Variants in FAM91A1 observed in about 807,000 individuals in gnomAD.
FAM91A1 encodes the protein family with sequence similarity 91 member A1, also known as protein FAM91A1.
A neutral mutation model predicts 113.5 loss-of-function variants in FAM91A1; 41 were observed. That is an observed-to-expected ratio of 0.36 (90% confidence interval 0.28 to 0.47). The LOEUF is 0.47. Ranked by LOEUF, FAM91A1 falls within the 20% of genes least tolerant of loss-of-function variation. The pLI is 1.00. For missense variants in FAM91A1, 696 were observed against 1,001.2 expected (o/e 0.70, Z 4.11); for synonymous variants, 307 against 347.9 (o/e 0.88, Z 1.31).
Position 123,768,492 on chromosome 8 carries a change from A to T in FAM91A1, c.-211A>T, listed in dbSNP as rs762283017. 1 of 488,834 alleles carries T rather than the reference A, an allele frequency of 2.0e-6. No homozygotes were observed. Among genetic ancestry groups the T allele is most frequent in the Non-Finnish European group, 3.6e-6 (1 of 278,398 alleles). 30.3% of individuals were successfully genotyped at this position (488,834 alleles called of 1,614,324 possible). The stretch of plus-strand genomic sequence containing the variant: ...GAAGAAACTTGGAGCTGTTCAGGCG[A>T]TCCAGCCTCCAATCGCTGCTGCTCT... On this transcript the variant is annotated 5_prime_UTR_variant, in exon 1 of 24. Coordinates refer to ENST00000334705, the MANE Select transcript of FAM91A1 (RefSeq NM_144963.4).
intron 8 of FAM91A1, among the ~76,000 whole-genome samples, 174 bp from the exon 9 acceptor site, chr8:123,784,296 C>G (rs1815197325): frequency 6.6e-6 from 1 of 152,150 alleles, no homozygotes; most frequent in African/African-American, 2.4e-5. Context: ...TCAGAGTCTT[C>G]TCTGTGTACG....
intron 2 of FAM91A1, 52 bp downstream of exon 2, chr8:123,774,216 A>AT: frequency 7.3e-7 from 1 of 1,365,868 alleles, no homozygotes; most frequent in Non-Finnish European, 1.0e-6. Context: ...ACTCTTTCAC[A>AT]TTCGTAAATC....
intron 8 of FAM91A1, among the ~76,000 whole-genome samples, chr8:123,783,890 G>C (rs1232982883): frequency 6.6e-6 from 1 of 152,168 alleles, no homozygotes; most frequent in African/African-American, 2.4e-5. Flanking sequence ...GAGGCCCACT[G>C]GGGAGGATAC....
At chr8:123,777,401 G>T in intron 4 of FAM91A1, 79 bp downstream of exon 4, 2 of 1,332,360 alleles carry the variant, frequency 1.5e-6, no homozygotes, top group Non-Finnish European at 1.1e-6. Flanking sequence ...ATATTGTCAT[G>T]TGTGTTTTTA....
At chr8:123,800,829 T>C (rs1196527358) in intron 18 of FAM91A1, among the ~76,000 whole-genome samples, 1 of 152,162 alleles carries the variant, frequency 6.6e-6, no homozygotes, top group Non-Finnish European at 1.5e-5. Context: ...TTTTCAAGGT[T>C]CATCATGTTG....
intron 6 of FAM91A1, among the ~76,000 whole-genome samples, chr8:123,779,032 C>G (rs933175864): frequency 6.6e-6 from 1 of 152,152 alleles, no homozygotes; most frequent in African/African-American, 2.4e-5. Context: ...TGTAAAGTAA[C>G]ATGATGCCAC....
At position 123,808,936 on chromosome 8, in the gene FAM91A1, T is replaced by C; in HGVS notation, c.2181T>C (p.Phe727=). 3.1e-6 allele frequency: 5 copies of C among 1,612,582 alleles called. No homozygotes were observed. The highest frequency in any genetic ancestry group is 4.2e-6 in the Non-Finnish European group (5 of 1,179,276). ...EADWVPLELC[F]GIPLFSSELN... is the part of the protein sequence containing the mutation. ...ATTGGGTTCCTCTCGAGCTGTGCTT[T>C]GGAATTCCACTGTTCAGTTCCGAAT... is the stretch of plus-strand genomic sequence containing the variant. The change falls in exon 22 of 24, where the codon TTT becomes TTC. Residue 727 remains phenylalanine, a synonymous_variant. Coordinates refer to ENST00000334705, the MANE Select transcript of FAM91A1 (RefSeq NM_144963.4).
rs114614728 is a variant in FAM91A1 at position 123,776,113 on chromosome 8, A to G, written c.309+815A>G. Among the ~76,000 whole-genome samples, 976 of 152,374 alleles carry G rather than the reference A, an allele frequency of 6.4e-3. 10 individuals are homozygous for G. The highest frequency in any genetic ancestry group is 0.022 in the African/African-American group (922 of 41,588). ...TAGTCTTGGCTGTTAATCTCTTTCT[A>G]TAATTATTAACTTTTAGTTGTTAGC... On this transcript the variant is annotated intron_variant, in intron 3 of 23. Transcript: ENST00000334705.
intron 1 of FAM91A1, among the ~76,000 whole-genome samples, chr8:123,769,350 G>A (rs531010540): frequency 8.9e-4 from 135 of 152,322 alleles, no homozygotes; most frequent in African/African-American, 3.2e-3. Flanking sequence ...TGTCTCATGA[G>A]TAGCAAGTGA....
intron 12 of FAM91A1, 125 bp downstream of exon 12, chr8:123,786,735 T>G: frequency 2.6e-6 from 2 of 755,072 alleles, no homozygotes; most frequent in South Asian, 3.4e-5. Context: ...TTTGAGTGTT[T>G]TACTATATTT....
At chr8:123,778,386 C>T (rs538836867) in intron 5 of FAM91A1, among the ~76,000 whole-genome samples, 1 of 152,076 alleles carries the variant, frequency 6.6e-6, no homozygotes, top group Non-Finnish European at 1.5e-5. Flanking sequence ...TTTGCATTTT[C>T]AAATGCATTT....
At chr8:123,784,704 C>T (rs1014199450) in intron 9 of FAM91A1, 128 bp downstream of exon 9, 5 of 532,080 alleles carry the variant, frequency 9.4e-6, no homozygotes, top group Non-Finnish European at 3.1e-6. Context: ...CATTATTACA[C>T]TTAAATGTCA....
At chr8:123,786,742 A>G (rs1184963377) in intron 12 of FAM91A1, 132 bp downstream of exon 12, 5 of 724,146 alleles carry the variant, frequency 6.9e-6, no homozygotes, top group South Asian at 5.3e-5. Flanking sequence ...GTTTTACTAT[A>G]TTTTGGGCAC....
At chr8:123,768,960 C>T (rs1814774073) in intron 1 of FAM91A1, among the ~76,000 whole-genome samples, 186 bp downstream of exon 1, 1 of 152,206 alleles carries the variant, frequency 6.6e-6, no homozygotes, top group South Asian at 2.1e-4. Flanking sequence ...GCCACAGGGC[C>T]AGGACGGGGC....
intron 1 of FAM91A1, 42 bp from the exon 2 acceptor site, chr8:123,774,038 C>A: frequency 6.6e-7 from 1 of 1,505,860 alleles, no homozygotes; most frequent in South Asian, 1.2e-5. Flanking sequence ...TACTATTGTT[C>A]AGTTTGGAAG....
At chr8:123,785,303 T>C (rs765069430) in intron 10 of FAM91A1, among the ~76,000 whole-genome samples, 184 bp downstream of exon 10, 3 of 152,140 alleles carry the variant, frequency 2.0e-5, no homozygotes, top group Admixed American at 6.5e-5. Flanking sequence ...GGGCCCTAAA[T>C]TGGGATTCAA....
chr8:123,791,393 T>C (rs1815379835), intron 15 of FAM91A1, among the ~76,000 whole-genome samples: 1 of 152,128 alleles, frequency 6.6e-6, no homozygotes, highest in Admixed American at 6.5e-5. Flanking sequence ...TAGTCTGGGC[T>C]GGGCTAAATT....
At chr8:123,778,157 T>A in intron 5 of FAM91A1, 65 bp downstream of exon 5, 1 of 1,224,752 alleles carries the variant, frequency 8.2e-7, no homozygotes. Context: ...TTTTTTTAAG[T>A]GGTAGAAATA....
Position 123,808,396 on chromosome 8 carries a change from T to A in FAM91A1, c.2137+20T>A, listed in dbSNP as rs761952626. On this transcript the variant is annotated intron_variant, in intron 21 of 23. Coordinates refer to ENST00000334705, the MANE Select transcript of FAM91A1 (RefSeq NM_144963.4). ...CCTCTGGTATGGTGCTAAAACTTTT[T>A]CCAATTTTATTAGACTAATTTCTGA... 1 of 1,594,878 alleles carries A rather than the reference T, an allele frequency of 6.3e-7. No homozygotes were observed. The highest frequency in any genetic ancestry group is 8.6e-7 in the Non-Finnish European group (1 of 1,168,120).
Sources: allele counts gnomAD v4.1 joint callset (sites outside exome capture counted in the v4.1 genomes callset), GRCh38; gene constraint gnomAD v4.1.1; transcripts MANE v1.5; gene names NCBI Gene and HGNC (gene_info 2026-07-23, HGNC 2026-07-21).